AGBL4: variants seen among roughly 807,000 people sequenced by gnomAD.
AGBL4 encodes cytosolic carboxypeptidase 6.
A neutral mutation model predicts 66.4 loss-of-function variants in AGBL4; 58 were observed. The observed-to-expected ratio is 0.87, with a 90% CI of 0.71 to 1.09. The LOEUF (loss-of-function observed/expected upper bound fraction) is 1.09, where lower values mean the gene tolerates loss of function less well. Ranked by LOEUF, AGBL4 falls within the 50% of genes least tolerant of loss-of-function variation. The pLI, the probability that AGBL4 is intolerant of heterozygous loss-of-function variation, is 0.00. For missense variants in AGBL4, 579 were observed against 631.0 expected (o/e 0.92, Z 0.88); for synonymous variants, 234 against 222.9 (o/e 1.05, Z -0.44).
chr1:49,545,868 A>G (rs1398727757), intron 3 of AGBL4, among the ~76,000 whole-genome samples: 4 of 152,198 alleles, frequency 2.6e-5, no homozygotes, highest in African/African-American at 9.6e-5. Flanking sequence ...TAGATTTTAT[A>G]CCCTGTGTTT....
intron 4 of AGBL4, among the ~76,000 whole-genome samples, chr1:49,241,480 T>A (rs1190961402): frequency 6.6e-6 from 1 of 152,086 alleles, no homozygotes; most frequent in Non-Finnish European, 1.5e-5. Flanking sequence ...GTATATGAAG[T>A]CTTAAATTCT....
intron 5 of AGBL4, among the ~76,000 whole-genome samples, chr1:49,015,422 ATTTT>A (rs549726675): frequency 1.6e-5 from 2 of 128,638 alleles, no homozygotes; most frequent in Non-Finnish European, 1.7e-5. Flanking sequence ...ATTTCAAGTA[ATTTT>A]TTTTTTTTTT....
intron 3 of AGBL4, among the ~76,000 whole-genome samples, chr1:49,466,916 ATT>A (rs1414930405): frequency 6.6e-6 from 1 of 151,842 alleles, no homozygotes; most frequent in African/African-American, 2.4e-5. Context: ...AGAGAAGGAA[ATT>A]TTACTCAGTG....
At chr1:49,887,319 G>C (rs537034169) in intron 1 of AGBL4, among the ~76,000 whole-genome samples, 3 of 151,612 alleles carry the variant, frequency 2.0e-5, no homozygotes, top group Admixed American at 6.6e-5. Context: ...TTAGGAAGGG[G>C]AGAAGGAAGA....
At chr1:48,760,813 G>C (rs565518141) in intron 6 of AGBL4, among the ~76,000 whole-genome samples, 9 of 152,322 alleles carry the variant, frequency 5.9e-5, no homozygotes, top group Non-Finnish European at 8.8e-5. Context: ...ATTTTCAGCA[G>C]TTTCCAAAGT....
chr1:49,948,311 T>C (rs1224141362), intron 1 of AGBL4, among the ~76,000 whole-genome samples: 1 of 108,874 alleles, frequency 9.2e-6, no homozygotes, highest in Admixed American at 1.3e-4. Flanking sequence ...TATATAAATA[T>C]ATATATAAAT....
At chr1:49,120,065 A>G (rs1645619877) in intron 4 of AGBL4, among the ~76,000 whole-genome samples, 1 of 152,018 alleles carries the variant, frequency 6.6e-6, no homozygotes, top group Admixed American at 6.6e-5. Flanking sequence ...TTTTGAGCCT[A>G]TGTGTGTCTC....
intron 9 of AGBL4, among the ~76,000 whole-genome samples, chr1:48,597,819 AAG>A (rs1201985293): frequency 2.0e-5 from 3 of 148,896 alleles, no homozygotes; most frequent in Non-Finnish European, 3.0e-5. Flanking sequence ...AAGAGAGAGA[AAG>A]AAAGAGAAAG....
intron 4 of AGBL4, among the ~76,000 whole-genome samples, chr1:49,088,281 C>A (rs768811257): frequency 3.9e-5 from 6 of 152,134 alleles, no homozygotes; most frequent in Non-Finnish European, 5.9e-5. Context: ...TTAAAAGGCA[C>A]AGAGTTGCGA....
At chr1:49,506,691 T>C (rs1417712454) in intron 3 of AGBL4, among the ~76,000 whole-genome samples, 1 of 152,088 alleles carries the variant, frequency 6.6e-6, no homozygotes, top group Non-Finnish European at 1.5e-5. Flanking sequence ...CTTTATTACC[T>C]GTGTAAGAGT....
chr1:48,881,795 T>C (rs1649816886), intron 5 of AGBL4, among the ~76,000 whole-genome samples: 1 of 152,148 alleles, frequency 6.6e-6, no homozygotes, highest in Non-Finnish European at 1.5e-5. Flanking sequence ...CAGTGGTTCC[T>C]CTGGATCCCT....
At chr1:49,957,280 T>C (rs897816596) in intron 1 of AGBL4, among the ~76,000 whole-genome samples, 11 of 152,102 alleles carry the variant, frequency 7.2e-5, no homozygotes, top group African/African-American at 2.7e-4. Flanking sequence ...TACCTCCAAC[T>C]ATGTGGTCAA....
At chr1:48,642,284 G>A (rs985244315) in intron 8 of AGBL4, among the ~76,000 whole-genome samples, 18 of 152,290 alleles carry the variant, frequency 1.2e-4, no homozygotes, top group African/African-American at 4.1e-4. Context: ...TTTTCGGCAA[G>A]GTGGTGTGAC....
At chr1:49,972,690 T>C (rs908594246) in intron 1 of AGBL4, among the ~76,000 whole-genome samples, 3 of 152,198 alleles carry the variant, frequency 2.0e-5, no homozygotes, top group Non-Finnish European at 2.9e-5. Context: ...TTACAGTTTA[T>C]TGTTATAAGT....
At chr1:48,908,220 T>C (rs904674917) in intron 5 of AGBL4, among the ~76,000 whole-genome samples, 1 of 152,192 alleles carries the variant, frequency 6.6e-6, no homozygotes, top group Non-Finnish European at 1.5e-5. Context: ...CTTGTAATTA[T>C]GCCAAATCCC....
At chr1:49,339,299 C>T (rs1453403391) in intron 3 of AGBL4, among the ~76,000 whole-genome samples, 1 of 152,192 alleles carries the variant, frequency 6.6e-6, no homozygotes, top group Non-Finnish European at 1.5e-5. Context: ...GAAGAGTGCA[C>T]TTTACAAAAT....
At chr1:49,878,874 T>C (rs1318723982) in intron 1 of AGBL4, among the ~76,000 whole-genome samples, 2 of 116,134 alleles carry the variant, frequency 1.7e-5, no homozygotes, top group African/African-American at 6.9e-5. Flanking sequence ...TTTAGGATAG[T>C]TAGCTCCTCT....
In AGBL4 at chr1:49,963,145, A is replaced by C. The variant is rs141105676; in HGVS notation, c.34+60618T>G. 2.2e-3 allele frequency among the ~76,000 whole-genome samples: 341 copies of C among 152,294 alleles called. 4 individuals carry two copies. Among genetic ancestry groups the C allele is most frequent in the African/African-American group, 7.9e-3 (328 of 41,582 alleles). On this transcript the variant is annotated intron_variant, in intron 1 of 13. Transcript: ENST00000371839. The stretch of plus-strand genomic sequence containing the variant: ...AAATGTAAGTATGGGTCAGACTATA[A>C]CAAGTAACAAAAATAATTTTATTGG...
intron 3 of AGBL4, among the ~76,000 whole-genome samples, chr1:49,495,175 C>T (rs2148751891): frequency 6.6e-6 from 1 of 152,152 alleles, no homozygotes; most frequent in Non-Finnish European, 1.5e-5. Context: ...CATTGGTGCA[C>T]ATGGTACCTG....
Sources: gnomAD v4.1 joint callset for allele counts (sites outside exome capture counted in the v4.1 genomes callset) on GRCh38, gnomAD v4.1.1 for gene constraint, MANE v1.5 for transcripts, NCBI Gene and HGNC (gene_info 2026-07-23, HGNC 2026-07-21) for gene names.